The following SYNE1 variants were observed in gnomAD, a reference collection of about 807,000 sequenced individuals.
The protein encoded by SYNE1 is spectrin repeat containing nuclear envelope protein 1.
SYNE1 carries 616 observed loss-of-function variants against 1,111.0 expected under a neutral mutation model. That is an observed-to-expected ratio of 0.55 (90% CI 0.52 to 0.59). SYNE1 has a LOEUF of 0.59. SYNE1 is among the 20% of genes least tolerant of loss of function. The pLI, the probability that SYNE1 is intolerant of heterozygous loss-of-function variation, is 0.00. For missense variants in SYNE1, 10,006 were observed against 10,417.0 expected (o/e 0.96, Z 1.72); for synonymous variants, 3,855 against 3,825.8 (o/e 1.01, Z -0.28).
intron 108 of SYNE1, 125 bp downstream of exon 108, chr6:152,239,408 C>T (rs756683434): frequency 5.3e-6 from 6 of 1,132,928 alleles, no homozygotes; most frequent in Non-Finnish European, 6.6e-6. Context: ...CAGTCCTGAG[C>T]CCGAGAGCGC....
At chr6:152,188,713 C>T (rs2071000575) in intron 128 of SYNE1, among the ~76,000 whole-genome samples, 1 of 151,848 alleles carries the variant, frequency 6.6e-6, no homozygotes, top group Non-Finnish European at 1.5e-5. Context: ...AATCCCAACA[C>T]TTTGGGAGGG....
chr6:152,362,236 G>C lies in SYNE1; in HGVS notation c.10233C>G (p.Asn3411Lys), dbSNP rs772053957. The C allele has an allele frequency of 6.8e-6, 11 of 1,614,092 alleles. No individual in the cohort carries two copies. The highest frequency in any genetic ancestry group is 1.1e-5 in the South Asian group (1 of 91,090). Residue 3411 changes from asparagine (N) to lysine (K), a missense_variant, in exon 64 of 146, where the codon AAC becomes AAG. By Grantham distance (94) the Asn-to-Lys change is moderately conservative (BLOSUM62 0). Transcript: ENST00000367255. ...CATGCTGCCTTTCTGATTCATTCAG[G>C]TTGGCTTCCATACTATCCATCCAAC... ...FSGWMDSMEA[N>K]LNESERQHAE...
intron 75 of SYNE1, 131 bp from the exon 76 acceptor site, chr6:152,337,148 C>T (rs2096410614): frequency 1.2e-6 from 1 of 816,164 alleles, no homozygotes; most frequent in Non-Finnish European, 1.9e-6. Flanking sequence ...AACTCACACA[C>T]ACAAATACAT....
chr6:152,198,887 T>TA (rs1370280678), intron 127 of SYNE1, among the ~76,000 whole-genome samples: 1 of 151,468 alleles, frequency 6.6e-6, no homozygotes, highest in East Asian at 2.0e-4. Context: ...TTGTGAGAAT[T>TA]ACCAAAATTA....
At chr6:152,243,924 T>C (rs998424753) in intron 106 of SYNE1, among the ~76,000 whole-genome samples, 1 of 152,190 alleles carries the variant, frequency 6.6e-6, no homozygotes, top group Non-Finnish European at 1.5e-5. Context: ...GATTCTTGCC[T>C]AAATGTCAGA....
chr6:152,218,323 T>C lies in SYNE1; in HGVS notation c.22125A>G (p.Leu7375=), dbSNP rs369864304. ...EAWIVEAEEI[L]QGQDPSHSSD... ...ATGAGTGGCTAGGGTCCTGCCCTTGTAGTATTTCTTCAGCTTCCACTATCC... is the reference window on the plus strand; with the variant it reads ...ATGAGTGGCTAGGGTCCTGCCCTTGCAGTATTTCTTCAGCTTCCACTATCC... Residue 7375 remains leucine, a synonymous_variant, in exon 121 of 146, where the codon CTA becomes CTG. Coordinates refer to ENST00000367255, the MANE Select transcript of SYNE1 (RefSeq NM_182961.4). The C allele has an allele frequency of 6.8e-6, 11 of 1,614,024 alleles. No individual in the cohort carries two copies. The highest frequency in any genetic ancestry group is 9.3e-6 in the Non-Finnish European group (11 of 1,180,000).
At chr6:152,317,936 T>C in intron 86 of SYNE1, 145 bp downstream of exon 86, 1 of 1,048,364 alleles carries the variant, frequency 9.5e-7, no homozygotes, top group Non-Finnish European at 1.4e-6. Context: ...GGATCACAAG[T>C]GTAGCATGAA....
At chr6:152,384,359 A>G (rs2097485689) in intron 55 of SYNE1, among the ~76,000 whole-genome samples, 1 of 152,198 alleles carries the variant, frequency 6.6e-6, no homozygotes, top group Admixed American at 6.5e-5. Flanking sequence ...CAAGTTCCTT[A>G]GGGAATGCAC....
chr6:152,432,243 G>C (rs1423759039), intron 34 of SYNE1, among the ~76,000 whole-genome samples: 3 of 152,040 alleles, frequency 2.0e-5, no homozygotes, highest in African/African-American at 7.2e-5. Flanking sequence ...CTTCCAACAA[G>C]GCAAATGCTT....
At chr6:152,261,085 A>G (rs970551968) in intron 101 of SYNE1, among the ~76,000 whole-genome samples, 1 of 152,204 alleles carries the variant, frequency 6.6e-6, no homozygotes, top group Admixed American at 6.5e-5. Context: ...ACAGTTATTG[A>G]CACCCTTTGC....
In SYNE1 at chr6:152,563,147, A is replaced by T. The variant is rs150653086; in HGVS notation, c.68-23126T>A. 5.3e-3 allele frequency among the ~76,000 whole-genome samples: 803 copies of T among 152,174 alleles called. 9 individuals carry two copies. Among genetic ancestry groups the T allele is most frequent in the African/African-American group, 0.019 (769 of 41,524 alleles). On this transcript the variant is annotated intron_variant, in intron 3 of 145. Coordinates refer to ENST00000367255, the MANE Select transcript of SYNE1 (RefSeq NM_182961.4). ...AAATAGTACCTTTTATCATACCCGG[A>T]GTCTTGTAGATTGTTTTTATCATAT...
intron 2 of SYNE1, among the ~76,000 whole-genome samples, chr6:152,634,952 G>A (rs903498020): frequency 2.0e-5 from 3 of 152,254 alleles, no homozygotes; most frequent in African/African-American, 7.2e-5. Context: ...ACCACAGGGT[G>A]TGGCTGCAGT....
At chr6:152,322,646 T>G (rs1298740032) in intron 82 of SYNE1, among the ~76,000 whole-genome samples, 1 of 152,138 alleles carries the variant, frequency 6.6e-6, no homozygotes, top group East Asian at 1.9e-4. Context: ...TCTTAATAGC[T>G]CTCAATGGTT....
chr6:152,209,611 G>A lies in SYNE1; in HGVS notation c.22590-1405C>T, dbSNP rs545656354. ...TTACAAATACAAAAATTAGCCGGGC[G>A]TGGTGGTGCGTGCCTGTATTCCCAG... On this transcript the variant is annotated intron_variant, in intron 124 of 145. Transcript: ENST00000367255. Among the ~76,000 whole-genome samples the A allele has an allele frequency of 5.5e-4, 84 of 152,148 alleles. 1 individual carries two copies. Among genetic ancestry groups the A allele is most frequent in the African/African-American group, 1.8e-3 (76 of 41,516 alleles).
chr6:152,187,227 A>G (rs545494907), intron 128 of SYNE1, among the ~76,000 whole-genome samples: 3 of 152,176 alleles, frequency 2.0e-5, no homozygotes, highest in African/African-American at 4.8e-5. Flanking sequence ...CACATCTACC[A>G]TGTGTGCTCC....
intron 3 of SYNE1, among the ~76,000 whole-genome samples, chr6:152,551,244 T>A (rs751580029): frequency 1.3e-5 from 2 of 152,182 alleles, no homozygotes; most frequent in Non-Finnish European, 1.5e-5. Context: ...ACCTGCCACG[T>A]ACACAGAGAA....
intron 95 of SYNE1, among the ~76,000 whole-genome samples, chr6:152,288,508 A>G (rs1465011199): frequency 6.6e-6 from 1 of 152,214 alleles, no homozygotes; most frequent in African/African-American, 2.4e-5. Flanking sequence ...TGCAGTCAGT[A>G]ATAAAGGAAT....
rs2088378876 is a variant in SYNE1 at position 152,249,239 on chromosome 6, T to C, written c.19494A>G (p.Thr6498=). 6 of 1,613,450 alleles carry C rather than the reference T, an allele frequency of 3.7e-6. No individual in the cohort carries two copies. The highest frequency in any genetic ancestry group is 5.1e-6 in the Non-Finnish European group (6 of 1,179,384). The change falls in exon 105 of 146, where the codon ACA becomes ACG. Residue 6498 remains threonine, a synonymous_variant. Transcript: ENST00000367255. ...NFQNDLKVLF[T]SLADNKYIIL... is the part of the protein sequence containing the mutation. ...TGATGTATTTGTTGTCAGCCAGTGA[T>C]GTAAACAGCACTTTCAGATCATTCT...
intron 145 of SYNE1, chr6:152,128,604 C>T (rs553996588): frequency 3.9e-5 from 6 of 152,336 alleles, no homozygotes; most frequent in Non-Finnish European, 7.3e-5. Flanking sequence ...CTCCTCCCTT[C>T]AAACTAATAG....
Sources: gnomAD v4.1 joint callset for allele counts (sites outside exome capture counted in the v4.1 genomes callset) on GRCh38, gnomAD v4.1.1 for gene constraint, MANE v1.5 for transcripts, NCBI Gene and HGNC (gene_info 2026-07-23, HGNC 2026-07-21) for gene names.